Variants in DGKB observed in about 807,000 individuals in gnomAD.
DGKB encodes the protein 90 kDa diacylglycerol kinase.
DGKB carries 67 observed loss-of-function variants against 114.3 expected under a neutral mutation model. The observed-to-expected ratio is 0.59, with a 90% CI of 0.48 to 0.72. The LOEUF is 0.72. Ranked by LOEUF, DGKB falls within the 30% of genes least tolerant of loss-of-function variation. The pLI is 0.00. For synonymous variants in DGKB, 398 were observed against 323.1 expected (o/e 1.23, Z -2.49); for missense variants, 907 against 975.2 (o/e 0.93, Z 0.93).
intron 21 of DGKB, among the ~76,000 whole-genome samples, chr7:14,408,217 G>C (rs1416316779): frequency 1.3e-5 from 2 of 152,058 alleles, no homozygotes; most frequent in African/African-American, 4.8e-5. Context: ...GAGTAAGTGT[G>C]ATTGATTGGG....
intron 5 of DGKB, 88 bp downstream of exon 5, chr7:14,735,952 CA>C: frequency 1.3e-6 from 1 of 796,010 alleles, no homozygotes; most frequent in South Asian, 3.4e-5. Flanking sequence ...AATTTTTATG[CA>C]AATCATCATT....
chr7:14,891,636 G>A (rs1434862025), intron 1 of DGKB, among the ~76,000 whole-genome samples: 1 of 151,432 alleles, frequency 6.6e-6, no homozygotes, highest in Non-Finnish European at 1.5e-5. Context: ...GTAGAGAGAA[G>A]TAGGGTTAAC....
chr7:14,634,902 C>T (rs1050891845), intron 13 of DGKB, among the ~76,000 whole-genome samples: 3 of 151,040 alleles, frequency 2.0e-5, no homozygotes, highest in Admixed American at 6.6e-5. Flanking sequence ...TTAAAAAGGA[C>T]GTGAGATAAA....
intron 20 of DGKB, among the ~76,000 whole-genome samples, chr7:14,481,995 T>C (rs931361326): frequency 6.6e-6 from 1 of 152,038 alleles, no homozygotes; most frequent in African/African-American, 2.4e-5. Context: ...TCTTCTTATG[T>C]GGACTACATA....
intron 2 of DGKB, among the ~76,000 whole-genome samples, chr7:14,819,435 A>T (rs1313706285): frequency 6.6e-6 from 1 of 152,024 alleles, no homozygotes; most frequent in Non-Finnish European, 1.5e-5. Context: ...AAAATACAAA[A>T]AAACATTGGC....
intron 21 of DGKB, among the ~76,000 whole-genome samples, chr7:14,352,883 A>T (rs1813740775): frequency 6.6e-6 from 1 of 152,184 alleles, no homozygotes; most frequent in Admixed American, 6.5e-5. Flanking sequence ...AGATCGTGCC[A>T]TTGCACTTCA....
intron 2 of DGKB, among the ~76,000 whole-genome samples, chr7:14,826,476 T>A (rs546282713): frequency 6.6e-6 from 1 of 152,264 alleles, no homozygotes; most frequent in African/African-American, 2.4e-5. Context: ...GTCCCTATAT[T>A]CATTTTCTTT....
intron 21 of DGKB, among the ~76,000 whole-genome samples, chr7:14,452,886 A>G (rs1831730996): frequency 6.6e-6 from 1 of 152,040 alleles, no homozygotes; most frequent in African/African-American, 2.4e-5. Flanking sequence ...ACTGAATATC[A>G]ATCATTTCCT....
At chr7:14,149,320 T>C in intron 25 of DGKB, 82 bp from the exon 26 acceptor site, 1 of 972,246 alleles carries the variant, frequency 1.0e-6, no homozygotes, top group Non-Finnish European at 1.6e-6. Flanking sequence ...AGACTCTCTG[T>C]TAAGGTTAAT....
chr7:14,159,551 T>C (rs140969850), intron 25 of DGKB, among the ~76,000 whole-genome samples: 1 of 152,186 alleles, frequency 6.6e-6, no homozygotes, highest in African/African-American at 2.4e-5. Context: ...GATCATATCT[T>C]TTTTTGGTTC....
intron 1 of DGKB, among the ~76,000 whole-genome samples, chr7:14,844,385 T>C (rs1586868115): frequency 6.6e-6 from 1 of 152,306 alleles, no homozygotes; most frequent in South Asian, 2.1e-4. Context: ...GGAACAAATT[T>C]GGTCCACCAC....
chr7:14,897,687 T>A (rs530663542), intron 1 of DGKB, among the ~76,000 whole-genome samples: 1 of 151,970 alleles, frequency 6.6e-6, no homozygotes, highest in East Asian at 1.9e-4. Context: ...TTGCCCCACG[T>A]ATTCTAAATA....
intron 1 of DGKB, among the ~76,000 whole-genome samples, chr7:14,880,656 T>C (rs17168498): frequency 0.019 from 2,898 of 152,276 alleles, 88 homozygotes; most frequent in Admixed American, 0.083. Context: ...GATACAATAA[T>C]GTATAATAAC....
intron 1 of DGKB, among the ~76,000 whole-genome samples, chr7:14,912,472 T>A (rs1298062705): frequency 1.3e-5 from 2 of 151,898 alleles, no homozygotes; most frequent in Non-Finnish European, 1.5e-5. Context: ...TTGGGGTAAT[T>A]TATCTGATAG....
chr7:14,744,267 G>A (rs1049821282), intron 4 of DGKB, among the ~76,000 whole-genome samples: 1 of 152,178 alleles, frequency 6.6e-6, no homozygotes, highest in African/African-American at 2.4e-5. Flanking sequence ...TTGCATCAGT[G>A]CAATAGGAAT....
At chr7:14,292,749 G>A (rs1229475399) in intron 23 of DGKB, among the ~76,000 whole-genome samples, 4 of 152,160 alleles carry the variant, frequency 2.6e-5, no homozygotes, top group Non-Finnish European at 4.4e-5. Context: ...TGTACCTGCT[G>A]CTGTCTGATT....
intron 2 of DGKB, among the ~76,000 whole-genome samples, chr7:14,837,300 G>A (rs748701132): frequency 2.4e-4 from 36 of 152,050 alleles, no homozygotes; most frequent in Non-Finnish European, 3.7e-4. Context: ...AACAATCATA[G>A]TTACAGGGTG....
intron 1 of DGKB, among the ~76,000 whole-genome samples, chr7:14,942,603 C>T (rs1785626051): frequency 6.6e-6 from 1 of 151,900 alleles, no homozygotes; most frequent in Non-Finnish European, 1.5e-5. Context: ...GTATCTCTTC[C>T]ATCTACCACT....
chr7:14,690,563 G>T (rs1288317469), intron 9 of DGKB, among the ~76,000 whole-genome samples: 1 of 152,200 alleles, frequency 6.6e-6, no homozygotes, highest in Non-Finnish European at 1.5e-5. Flanking sequence ...AGTCAAACCT[G>T]GCCAGCAACC....
Sources: allele counts gnomAD v4.1 joint callset (sites outside exome capture counted in the v4.1 genomes callset), GRCh38; gene constraint gnomAD v4.1.1; transcripts MANE v1.5; gene names NCBI Gene and HGNC (gene_info 2026-07-23, HGNC 2026-07-21).